The following DPYD variants were observed in gnomAD, a reference collection of about 807,000 sequenced individuals.
The protein encoded by DPYD is dihydropyrimidine dehydrogenase.
In DPYD, 109 loss-of-function variants were observed where a neutral mutation model predicts 116.2. The observed-to-expected ratio is 0.94, with a 90% CI of 0.80 to 1.10. The LOEUF is 1.10. Among genes scored for constraint, DPYD ranks in the 50% least tolerant of loss-of-function variants. The probability of loss-of-function intolerance (pLI) is 0.00; values close to 1 mark genes in which losing one functional copy is unlikely to be tolerated. For synonymous variants in DPYD, 440 were observed against 432.0 expected, an observed-to-expected ratio of 1.02 and a Z score of -0.23; for missense variants, 1,302 against 1,254.5, an observed-to-expected ratio of 1.04 and a Z score of -0.57.
intron 13 of DPYD, among the ~76,000 whole-genome samples, chr1:97,483,638 T>C (rs957940297): frequency 2.6e-5 from 4 of 152,104 alleles, no homozygotes; most frequent in African/African-American, 9.7e-5. Context: ...TGCACATATA[T>C]TCTGGACCTA....
intron 20 of DPYD, among the ~76,000 whole-genome samples, chr1:97,163,362 TG>T (rs1310843352): frequency 2.0e-5 from 3 of 152,300 alleles, no homozygotes; most frequent in African/African-American, 7.2e-5. Context: ...TTAAACTATA[TG>T]TAGTTGAGGT....
chr1:97,392,391 G>A (rs968405911), intron 14 of DPYD, among the ~76,000 whole-genome samples: 10 of 149,892 alleles, frequency 6.7e-5, no homozygotes, highest in East Asian at 2.0e-4. Context: ...GTCTTGCTCC[G>A]TCACCTATGC....
chr1:97,549,767 A>G, intron 11 of DPYD, 23 bp from the exon 12 acceptor site: 1 of 1,599,010 alleles, frequency 6.3e-7, no homozygotes, highest in Non-Finnish European at 8.6e-7. Flanking sequence ...GTGAAAAACA[A>G]TAGACAATCA....
chr1:97,742,286 T>C (rs546419149), intron 3 of DPYD, among the ~76,000 whole-genome samples: 5 of 152,254 alleles, frequency 3.3e-5, no homozygotes, highest in African/African-American at 9.6e-5. Context: ...CTTGTCATTC[T>C]TTTGTGAGTA....
At chr1:97,523,840 A>G (rs1198243925) in intron 12 of DPYD, among the ~76,000 whole-genome samples, 1 of 152,020 alleles carries the variant, frequency 6.6e-6, no homozygotes, top group African/African-American at 2.4e-5. Context: ...ACAGAGGGGG[A>G]AATGATAAAC....
intron 18 of DPYD, among the ~76,000 whole-genome samples, chr1:97,244,485 GTT>G (rs1299405561): frequency 6.6e-6 from 1 of 151,898 alleles, no homozygotes; most frequent in Non-Finnish European, 1.5e-5. Context: ...GCGCAGAGAG[GTT>G]TACCCAGAGG....
intron 19 of DPYD, among the ~76,000 whole-genome samples, chr1:97,226,846 G>C (rs1273666426): frequency 2.0e-5 from 3 of 151,914 alleles, no homozygotes; most frequent in African/African-American, 4.8e-5. Context: ...CATTCCACTG[G>C]CATTTTTCAT....
At chr1:97,748,288 G>A (rs1664669616) in intron 3 of DPYD, among the ~76,000 whole-genome samples, 1 of 152,028 alleles carries the variant, frequency 6.6e-6, no homozygotes, top group African/African-American at 2.4e-5. Flanking sequence ...ATAGAATGAA[G>A]ATAGATTATG....
At chr1:97,618,283 A>G (rs2100764031) in intron 8 of DPYD, among the ~76,000 whole-genome samples, 1 of 148,036 alleles carries the variant, frequency 6.8e-6, no homozygotes, top group African/African-American at 2.5e-5. Flanking sequence ...TACTAGAAAC[A>G]GAAATTGACA....
At position 97,592,516 on chromosome 1, in the gene DPYD, A is replaced by G. The variant is rs555948951; in HGVS notation, c.1128+702T>C. ...TGAGTAGCTGGGATTACAGGCGCCC[A>G]CCACCACGCCCGGCTAATTTTTTTG... On this transcript the variant is annotated intron_variant, in intron 10 of 22. Coordinates refer to ENST00000370192, the MANE Select transcript of DPYD (RefSeq NM_000110.4). Among the ~76,000 whole-genome samples the G allele has an allele frequency of 2.0e-5, 3 of 152,120 alleles. No homozygotes were observed. The East Asian group carries it at 5.8e-4, about 29-fold the overall frequency.
intron 8 of DPYD, among the ~76,000 whole-genome samples, chr1:97,628,996 T>C (rs1450521036): frequency 6.6e-6 from 1 of 152,064 alleles, no homozygotes; most frequent in Non-Finnish European, 1.5e-5. Flanking sequence ...GGATAACTCA[T>C]ATGATTTAAC....
At chr1:97,502,933 G>A (rs894806062) in intron 13 of DPYD, among the ~76,000 whole-genome samples, 1 of 151,968 alleles carries the variant, frequency 6.6e-6, no homozygotes, top group Non-Finnish European at 1.5e-5. Context: ...TCAACATGTG[G>A]AAGTTTAGAT....
At chr1:97,753,904 A>G (rs1387720732) in intron 3 of DPYD, among the ~76,000 whole-genome samples, 1 of 152,124 alleles carries the variant, frequency 6.6e-6, no homozygotes, top group African/African-American at 2.4e-5. Context: ...CCTATCCAGT[A>G]TCTGGAATAT....
chr1:97,229,580 ATATATAT>A (rs1557956381), intron 19 of DPYD, among the ~76,000 whole-genome samples: 1,659 of 67,948 alleles, frequency 0.024, 43 homozygotes, highest in Middle Eastern at 0.092. Flanking sequence ...ATATATATAT[ATATATAT>A]ATACTGATTT....
intron 12 of DPYD, chr1:97,546,555 C>T (rs563774082): frequency 4.5e-5 from 72 of 1,597,826 alleles, no homozygotes; most frequent in South Asian, 6.6e-5. Context: ...AAGAAGAGAG[C>T]GCTCTATTGG....
intron 16 of DPYD, among the ~76,000 whole-genome samples, chr1:97,311,028 G>A (rs1667482110): frequency 6.6e-6 from 1 of 151,666 alleles, no homozygotes; most frequent in African/African-American, 2.4e-5. Flanking sequence ...TTCTGTAAGA[G>A]GAAAAACCAT....
chr1:97,857,766 T>C (rs915192363), intron 2 of DPYD, among the ~76,000 whole-genome samples: 1 of 152,078 alleles, frequency 6.6e-6, no homozygotes, highest in Non-Finnish European at 1.5e-5. Flanking sequence ...GAGGTGGTCA[T>C]GGGAATCTCA....
intron 3 of DPYD, among the ~76,000 whole-genome samples, chr1:97,769,047 A>C (rs1666014060): frequency 6.6e-6 from 1 of 152,090 alleles, no homozygotes; most frequent in African/African-American, 2.4e-5. Context: ...TTACAAAAAG[A>C]AAGGCATTTA....
chr1:97,671,901 T>C (rs1237048552), intron 8 of DPYD, among the ~76,000 whole-genome samples: 2 of 146,570 alleles, frequency 1.4e-5, no homozygotes, highest in Non-Finnish European at 3.0e-5. Context: ...TTGTCTTCTT[T>C]TTTTGTCTTT....
Sources: allele counts gnomAD v4.1 joint callset (sites outside exome capture counted in the v4.1 genomes callset), GRCh38; gene constraint gnomAD v4.1.1; transcripts MANE v1.5; gene names NCBI Gene and HGNC (gene_info 2026-07-23, HGNC 2026-07-21).